Variants in REPS1 observed in about 807,000 individuals in gnomAD.
REPS1 encodes ralBP1-associated Eps domain-containing protein 1.
REPS1 carries 39 observed loss-of-function variants against 100.9 expected under a neutral mutation model. The ratio of observed to expected loss-of-function variants is 0.39; its 90% CI spans 0.30 to 0.50. The LOEUF (loss-of-function observed/expected upper bound fraction) is 0.50. REPS1 is among the 20% of genes least tolerant of loss of function. The pLI, the probability that REPS1 is intolerant of heterozygous loss-of-function variation, is 0.86. For missense variants in REPS1, 821 were observed against 968.5 expected, an observed-to-expected ratio of 0.85 and a Z score of 2.02; for synonymous variants, 324 against 340.3, an observed-to-expected ratio of 0.95 and a Z score of 0.53.
chr6:138,923,561 C>G (rs1235442427), intron 10 of REPS1, among the ~76,000 whole-genome samples: 1 of 152,224 alleles, frequency 6.6e-6, no homozygotes, highest in Non-Finnish European at 1.5e-5. Flanking sequence ...CATTACACTT[C>G]TCATCCACCT....
At chr6:138,947,975 C>T in intron 1 of REPS1, 62 bp from the exon 2 acceptor site, 2 of 1,460,408 alleles carry the variant, frequency 1.4e-6, no homozygotes, top group Non-Finnish European at 1.8e-6. Flanking sequence ...CAAAAATAAG[C>T]AGCTACCCAA....
At chr6:138,971,505 G>T (rs893244052) in intron 1 of REPS1, among the ~76,000 whole-genome samples, 1 of 151,910 alleles carries the variant, frequency 6.6e-6, no homozygotes, top group African/African-American at 2.4e-5. Flanking sequence ...GTGCCAAGGT[G>T]TCCAGATTCT....
intron 1 of REPS1, among the ~76,000 whole-genome samples, chr6:138,955,237 G>A (rs1369912396): frequency 6.6e-6 from 1 of 151,862 alleles, no homozygotes; most frequent in Non-Finnish European, 1.5e-5. Flanking sequence ...ATTGCTTGAG[G>A]CCAGCATTTC....
chr6:138,945,739 AC>A, intron 2 of REPS1, 42 bp from the exon 3 acceptor site: 1 of 1,412,530 alleles, frequency 7.1e-7, no homozygotes, highest in Non-Finnish European at 9.5e-7. Context: ...ATAAAAAAGG[AC>A]ATATATATTG....
At chr6:138,961,808 G>A (rs1049564955) in intron 1 of REPS1, among the ~76,000 whole-genome samples, 4 of 152,176 alleles carry the variant, frequency 2.6e-5, no homozygotes, top group South Asian at 2.1e-4. Context: ...CCATCACTGT[G>A]TACTACACCT....
chr6:138,928,011 A>C (rs62442365), intron 9 of REPS1: 5 of 152,218 alleles, frequency 3.3e-5, no homozygotes, highest in Non-Finnish European at 7.4e-5. Context: ...TTTGTTTCAC[A>C]AGACTGCATG....
Position 138,988,048 on chromosome 6 carries a change from C to A in REPS1, c.-366G>T, listed in dbSNP as rs1451212763. 6 of 397,400 alleles carry A rather than the reference C, an allele frequency of 1.5e-5. No individual in the cohort carries two copies. Among genetic ancestry groups the A allele is most frequent in the Admixed American group, 4.4e-5 (1 of 22,660 alleles). The allele number at this position is 397,400 out of a possible 1,614,324, so 24.6% of individuals were successfully genotyped here. A position where few individuals can be genotyped will look rare whatever the true frequency, so the allele number is the denominator to read the frequency against. On this transcript the variant is annotated 5_prime_UTR_variant, in exon 1 of 20. Coordinates refer to ENST00000450536, the MANE Select transcript of REPS1 (RefSeq NM_001286611.2). ...CCCCCGCCGCGGGTTCGAGTCTCCC[C>A]GGCTCCCTGCCGATTCCCCCAGACT... is the stretch of plus-strand genomic sequence containing the variant.
chr6:138,977,392 G>A (rs1784654667), intron 1 of REPS1, among the ~76,000 whole-genome samples: 1 of 152,144 alleles, frequency 6.6e-6, no homozygotes, highest in Admixed American at 6.6e-5. Flanking sequence ...GGAGTGTACT[G>A]GCGTGAACAC....
At chr6:138,964,309 A>C (rs532927269) in intron 1 of REPS1, among the ~76,000 whole-genome samples, 69 of 152,172 alleles carry the variant, frequency 4.5e-4, no homozygotes, top group Non-Finnish European at 8.5e-4. Flanking sequence ...AAAATTCTCC[A>C]GGTCTTTCCC....
intron 1 of REPS1, among the ~76,000 whole-genome samples, chr6:138,948,784 T>C (rs1782804009): frequency 6.6e-6 from 1 of 152,208 alleles, no homozygotes; most frequent in South Asian, 2.1e-4. Flanking sequence ...CAAAGGAAGA[T>C]AAGGTATCTG....
intron 2 of REPS1, among the ~76,000 whole-genome samples, chr6:138,945,945 T>C (rs992812832): frequency 6.6e-6 from 1 of 152,176 alleles, no homozygotes; most frequent in African/African-American, 2.4e-5. Flanking sequence ...CTACATCAAA[T>C]GTCTACGTAT....
chr6:138,926,837 A>C (rs1455336559), intron 9 of REPS1: 1 of 168,458 alleles, frequency 5.9e-6, no homozygotes, highest in Non-Finnish European at 1.3e-5. Context: ...AAAGAAAGAA[A>C]GAATAACATC....
chr6:138,981,251 T>C (rs941354521), intron 1 of REPS1, among the ~76,000 whole-genome samples: 2 of 152,200 alleles, frequency 1.3e-5, no homozygotes, highest in Non-Finnish European at 2.9e-5. Flanking sequence ...TGGCTAATTC[T>C]TGAAACAAAA....
rs1436525845 is a variant in REPS1 at position 138,988,181 on chromosome 6, C to A, written c.-499G>T. On this transcript the variant is annotated 5_prime_UTR_variant, in exon 1 of 20. Coordinates refer to ENST00000450536, the MANE Select transcript of REPS1 (RefSeq NM_001286611.2). Reference sequence around the variant, plus strand: ...TCGGGGGATCTGGGCTGAGCGTGGCCGCCGCTCCGCCTCCCTCCGCCGCCA... The same window carrying A: ...TCGGGGGATCTGGGCTGAGCGTGGCAGCCGCTCCGCCTCCCTCCGCCGCCA... 1.3e-4 allele frequency: 53 copies of A among 398,472 alleles called. No homozygotes were observed. In the East Asian group the frequency reaches 1.7e-3, roughly 13 times the overall value. The allele number at this position is 398,472 out of a possible 1,614,324, so 24.7% of individuals were successfully genotyped here.
At chr6:138,935,621 C>T (rs780437782) in intron 8 of REPS1, among the ~76,000 whole-genome samples, 2 of 151,734 alleles carry the variant, frequency 1.3e-5, no homozygotes, top group Non-Finnish European at 1.5e-5. Flanking sequence ...AATGGAAGAC[C>T]GAGGCAGGCG....
chr6:138,977,300 A>C (rs1489172298), intron 1 of REPS1, among the ~76,000 whole-genome samples: 1 of 152,194 alleles, frequency 6.6e-6, no homozygotes, highest in Non-Finnish European at 1.5e-5. Flanking sequence ...AAATGTAACC[A>C]CACAATATGT....
At chr6:138,971,820 A>G (rs1784361080) in intron 1 of REPS1, among the ~76,000 whole-genome samples, 1 of 152,130 alleles carries the variant, frequency 6.6e-6, no homozygotes, top group Non-Finnish European at 1.5e-5. Flanking sequence ...CACCACCCCC[A>G]CTTTTCACTT....
chr6:138,979,433 C>A (rs1403962624), intron 1 of REPS1, among the ~76,000 whole-genome samples: 1 of 152,102 alleles, frequency 6.6e-6, no homozygotes, highest in Non-Finnish European at 1.5e-5. Flanking sequence ...CATAGGTAAA[C>A]TTCTTTAAAA....
chr6:138,953,889 C>T (rs1282005005), intron 1 of REPS1, among the ~76,000 whole-genome samples: 1 of 152,014 alleles, frequency 6.6e-6, no homozygotes, highest in Admixed American at 6.6e-5. Flanking sequence ...GACACTGCAC[C>T]CCCATGTTTA....
Sources: gnomAD v4.1 joint callset for allele counts (sites outside exome capture counted in the v4.1 genomes callset) on GRCh38, gnomAD v4.1.1 for gene constraint, MANE v1.5 for transcripts, NCBI Gene and HGNC (gene_info 2026-07-23, HGNC 2026-07-21) for gene names.